The following RPAP3 variants were observed in gnomAD, a reference collection of about 807,000 sequenced individuals.
RPAP3 encodes RNA polymerase II associated protein 3.
A neutral mutation model predicts 88.8 loss-of-function variants in RPAP3; 58 were observed. The ratio of observed to expected loss-of-function variants is 0.65; its 90% CI spans 0.53 to 0.81. The LOEUF (loss-of-function observed/expected upper bound fraction) is 0.81, where lower values mean the gene tolerates loss of function less well. Among genes scored for constraint, RPAP3 ranks in the 40% least tolerant of loss-of-function variants. The probability of loss-of-function intolerance (pLI) is 0.00; values close to 1 mark genes in which losing one functional copy is unlikely to be tolerated. For synonymous variants in RPAP3, 255 were observed against 259.9 expected, an observed-to-expected ratio of 0.98 and a Z score of 0.18; for missense variants, 751 against 764.3, an observed-to-expected ratio of 0.98 and a Z score of 0.20.
Position 47,669,017 on chromosome 12 carries a change from C to G in RPAP3, c.1612G>C (p.Ala538Pro). 6.2e-7 allele frequency: 1 copy of G among 1,613,830 alleles called. No homozygotes were observed. Among genetic ancestry groups the G allele is most frequent in the Non-Finnish European group, 8.5e-7 (1 of 1,179,758 alleles). The change falls in exon 14 of 17, where the codon GCC (alanine) becomes CCC (proline). Residue 538 changes from alanine to proline, a missense_variant. Ala to Pro is a conservative substitution (Grantham distance 27, BLOSUM62 -1). Transcript: ENST00000005386. ...GGAATTGGAGGAAGAACAGTTGTGG[C>G]AAACTGAGCAGGTTTTTGTTCTATC... ...IEIEQKPAQF[A>P]TTVLPPIPAN...
intron 13 of RPAP3, 98 bp downstream of exon 13, chr12:47,670,009 T>C: frequency 2.6e-6 from 2 of 757,876 alleles, no homozygotes; most frequent in Non-Finnish European, 4.4e-6. Flanking sequence ...TTCAAAAAAT[T>C]AGCATGATGA....
At chr12:47,669,934 T>C (rs894038884) in intron 13 of RPAP3, among the ~76,000 whole-genome samples, 173 bp downstream of exon 13, 5 of 152,220 alleles carry the variant, frequency 3.3e-5, no homozygotes, top group Non-Finnish European at 7.3e-5. Flanking sequence ...AATCATTCTT[T>C]AAGCAAAATC....
intron 3 of RPAP3, among the ~76,000 whole-genome samples, chr12:47,699,132 G>A (rs1285930592): frequency 6.6e-6 from 1 of 152,078 alleles, no homozygotes; most frequent in African/African-American, 2.4e-5. Context: ...GAATGAAATG[G>A]GAATTAAACA....
At chr12:47,704,891 T>C (rs1033494163) in intron 1 of RPAP3, among the ~76,000 whole-genome samples, 7 of 151,530 alleles carry the variant, frequency 4.6e-5, no homozygotes, top group South Asian at 4.2e-4. Context: ...AGGGTGCCTA[T>C]AGTTCCAGCT....
intron 1 of RPAP3, among the ~76,000 whole-genome samples, chr12:47,704,013 G>C (rs1431876670): frequency 6.6e-6 from 1 of 152,190 alleles, no homozygotes; most frequent in African/African-American, 2.4e-5. Flanking sequence ...ATTTGTTTGG[G>C]ATATGCTGAA....
rs148302635 is a variant in RPAP3 at position 47,700,702 on chromosome 12, T to C, written c.294+762A>G. Among the ~76,000 whole-genome samples the C allele has an allele frequency of 3.6e-3, 550 of 152,294 alleles. 4 individuals are homozygous for C. The highest frequency in any genetic ancestry group is 0.013 in the African/African-American group (527 of 41,560). ...GGTGATTCTCCAAGTATGTTGTGTATCACATGTGGGAGATGGGAGGACACA... is the reference window on the plus strand; with the variant it reads ...GGTGATTCTCCAAGTATGTTGTGTACCACATGTGGGAGATGGGAGGACACA... On this transcript the variant is annotated intron_variant, in intron 3 of 16. Transcript: ENST00000005386.
intron 12 of RPAP3, among the ~76,000 whole-genome samples, chr12:47,674,208 G>A (rs889077149): frequency 1.3e-5 from 2 of 151,442 alleles, no homozygotes; most frequent in Non-Finnish European, 1.5e-5. Flanking sequence ...CGTGATCAAC[G>A]CAGAAGAAGG....
Position 47,701,553 on chromosome 12 carries a change from C to T in RPAP3, c.205G>A (p.Ala69Thr). 1.9e-6 allele frequency: 3 copies of T among 1,597,294 alleles called. No individual in the cohort carries two copies. The highest frequency in any genetic ancestry group is 1.7e-6 in the Non-Finnish European group (2 of 1,173,370). ...CTGGTTTTTTTGGAAGACTCTTTAG[C>T]TTTGCCTTTCTTCTTTTTCCTAAAA... ...GNFRKKKKGK[A>T]KESSKKTREE... The change falls in exon 3 of 17, where the codon GCT becomes ACT. Residue 69 changes from alanine (A) to threonine (T), a missense_variant. Physicochemically the swap from Ala to Thr is moderately conservative, Grantham distance 58. Transcript: ENST00000005386.
At position 47,669,068 on chromosome 12, in the gene RPAP3, ACTGACATACATC is replaced by A. The variant is rs1256851249; in HGVS notation, c.1549_1560del (p.Asp517_Gln520del). On this transcript the variant is annotated inframe_deletion, in exon 14 of 17. Transcript: ENST00000005386. ...TCTATGGGCATTTTCTCGCTGTAAGACTGACATACATCCTGCTTCAAACTGGCTTGAGGTCTG... is the reference window on the plus strand; with the variant it reads ...TCTATGGGCATTTTCTCGCTGTAAGACTGCTTCAAACTGGCTTGAGGTCTG... 1 of 1,613,980 alleles carries A rather than the reference ACTGACATACATC, an allele frequency of 6.2e-7. No homozygotes were observed. Among genetic ancestry groups the A allele is most frequent in the Non-Finnish European group, 8.5e-7 (1 of 1,179,872 alleles).
rs545735643 is a variant in RPAP3, at chr12:47,681,912, A to G, written c.993-95T>C. On this transcript the variant is annotated intron_variant, in intron 9 of 16. Coordinates refer to ENST00000005386, the MANE Select transcript of RPAP3 (RefSeq NM_024604.3). ...TTCTAATTTAAAAAGCTTGTATATA[A>G]TTTCAATCACTAACTTCTAAATCTG... 7 of 1,175,886 alleles carry G rather than the reference A, an allele frequency of 6.0e-6. No homozygotes were observed. In the African/African-American group the frequency reaches 9.5e-5, roughly 16 times the overall value. 72.8% of individuals were successfully genotyped at this position (1,175,886 alleles called of 1,614,324 possible).
chr12:47,670,112 G>T lies in RPAP3; in HGVS notation c.1521C>A (p.Ser507=). The T allele has an allele frequency of 6.4e-7, 1 of 1,566,940 alleles. No individual in the cohort carries two copies. Among genetic ancestry groups the T allele is most frequent in the Non-Finnish European group, 8.8e-7 (1 of 1,137,314 alleles). ...ATAACAGTATTTCTACTCACTGCAGGGATGAAGTATCACTGACTTCTTCTA... is the reference window on the plus strand; with the variant it reads ...ATAACAGTATTTCTACTCACTGCAGTGATGAAGTATCACTGACTTCTTCTA... ...LKIEEVSDTS[S]LQPQASLKQD... The change falls in exon 13 of 17, where the codon TCC becomes TCA. Residue 507 remains serine (S), a synonymous_variant. Transcript: ENST00000005386.
intron 3 of RPAP3, among the ~76,000 whole-genome samples, chr12:47,698,258 A>C (rs1279740686): frequency 6.6e-6 from 1 of 152,144 alleles, no homozygotes; most frequent in African/African-American, 2.4e-5. Flanking sequence ...TAGTTAACTC[A>C]TTCAAGGTCA....
chr12:47,684,530 T>C (rs999168873), intron 9 of RPAP3, among the ~76,000 whole-genome samples: 3 of 152,196 alleles, frequency 2.0e-5, no homozygotes, highest in Non-Finnish European at 2.9e-5. Flanking sequence ...AAAATTCTGA[T>C]ATTAACTGTG....
rs1938797862 is a variant in RPAP3, at chr12:47,663,379, ATTAAC to A, written c.*121_*125del. The stretch of plus-strand genomic sequence containing the variant: ...TAAATCACAATTCACCTTATAGTTA[ATTAAC>A]TTATGTTCAAAGATAGTCCTTTCCT... On this transcript the variant is annotated 3_prime_UTR_variant, in exon 17 of 17. Transcript: ENST00000005386. The A allele has an allele frequency of 3.3e-6, 2 of 612,214 alleles. No homozygotes were observed. Among genetic ancestry groups the A allele is most frequent in the Non-Finnish European group, 2.8e-6 (1 of 352,720 alleles). 37.9% of individuals were successfully genotyped at this position (612,214 alleles called of 1,614,324 possible).
At chr12:47,665,161 C>T (rs139799945) in intron 16 of RPAP3, among the ~76,000 whole-genome samples, 3,389 of 150,386 alleles carry the variant, frequency 0.023, 60 homozygotes, top group Non-Finnish European at 0.033. Context: ...GGTGCAATCT[C>T]GGCTCACTGC....
intron 9 of RPAP3, among the ~76,000 whole-genome samples, chr12:47,686,148 T>A (rs1052852964): frequency 2.0e-5 from 3 of 152,196 alleles, no homozygotes; most frequent in African/African-American, 7.2e-5. Context: ...CTGTAAAGTA[T>A]AACAAGAGAA....
At chr12:47,679,340 T>A (rs964671631) in intron 12 of RPAP3, among the ~76,000 whole-genome samples, 153 bp downstream of exon 12, 14 of 152,136 alleles carry the variant, frequency 9.2e-5, no homozygotes, top group African/African-American at 3.4e-4. Flanking sequence ...GGCACATGTA[T>A]ACCTATGTAT....
At chr12:47,667,898 T>C (rs1938914821) in intron 14 of RPAP3, 47 bp from the exon 15 acceptor site, 2 of 1,162,196 alleles carry the variant, frequency 1.7e-6, no homozygotes, top group Admixed American at 2.0e-5. Flanking sequence ...AACACTTACA[T>C]ATCACAAATT....
intron 3 of RPAP3, among the ~76,000 whole-genome samples, chr12:47,700,692 A>C (rs1213325791): frequency 2.0e-5 from 3 of 152,222 alleles, no homozygotes; most frequent in Non-Finnish European, 4.4e-5. Flanking sequence ...TTCTCCAAGT[A>C]TGTTGTGTAT....
Sources: allele counts gnomAD v4.1 joint callset (sites outside exome capture counted in the v4.1 genomes callset), GRCh38; gene constraint gnomAD v4.1.1; transcripts MANE v1.5; gene names NCBI Gene and HGNC (gene_info 2026-07-23, HGNC 2026-07-21).